SART3: variants seen among roughly 807,000 people sequenced by gnomAD.
SART3 encodes the protein HIV-1 Tat-interacting protein of 110kDa.
Under a neutral mutation model 122.3 loss-of-function variants are expected in SART3, and 44 were observed. The observed-to-expected ratio is 0.36, with a 90% CI of 0.28 to 0.46. The LOEUF (loss-of-function observed/expected upper bound fraction) is 0.46, where lower values mean the gene tolerates loss of function less well. SART3 is among the 20% of genes least tolerant of loss of function. The pLI is 1.00. For synonymous variants in SART3, 442 were observed against 454.0 expected (o/e 0.97, Z 0.34); for missense variants, 1,101 against 1,229.0 (o/e 0.90, Z 1.56).
intron 12 of SART3, 141 bp downstream of exon 12, chr12:108,535,218 T>C (rs1460721019): frequency 5.5e-6 from 4 of 730,576 alleles, no homozygotes; most frequent in Non-Finnish European, 1.0e-5. Flanking sequence ...ATTAAAAATG[T>C]ACCCACTACT....
Position 108,531,226 on chromosome 12 carries a change from C to T in SART3, c.1724G>A (p.Arg575His), listed in dbSNP as rs753689410. ...AVQKTETRLA[R>H]VNEQRMKAAE... ...TACCTTCATTCTCTGCTCATTGACA[C>T]GAGCTAATCGGGTTTCAGTTTTCTG... Residue 575 changes from arginine to histidine, a missense_variant, in exon 14 of 19, where the codon CGT (arginine) becomes CAT (histidine). Transcript: ENST00000546815. The T allele has an allele frequency of 3.7e-6, 6 of 1,613,900 alleles. No homozygotes were observed. The highest frequency in any genetic ancestry group is 3.3e-5 in the South Asian group (3 of 91,078).
intron 4 of SART3, chr12:108,544,840 C>T: frequency 3.5e-6 from 2 of 569,678 alleles, no homozygotes; most frequent in East Asian, 6.1e-5. Flanking sequence ...GCTGGAATTA[C>T]AAGCATGAGC....
chr12:108,540,597 A>G (rs1438208703), intron 6 of SART3, among the ~76,000 whole-genome samples: 9 of 151,500 alleles, frequency 5.9e-5, no homozygotes, highest in Admixed American at 5.3e-4. Flanking sequence ...TTTTAAAAAT[A>G]TAACTAGAAA....
In SART3 at chr12:108,560,948, C is replaced by G. The variant is rs1246125187; in HGVS notation, c.207G>C (p.Glu69Asp). The change falls in exon 1 of 19, where the codon GAG (glutamate) becomes GAC (aspartate). Residue 69 changes from glutamate to aspartate, a missense_variant. Around this residue, in one of 2 missense-constraint regions of SART3, gnomAD observed 216 missense variants for 148.9 expected, o/e 1.45. Coordinates refer to ENST00000546815, the MANE Select transcript of SART3 (RefSeq NM_014706.4). Reference protein sequence around the residue: ...EEGVSESDGDEYAMASSAESS... With the variant: ...EEGVSESDGDDYAMASSAESS... ...TCTCCGCGGAGGAAGCCATGGCGTACTCATCCCCATCGCTCTCGCTCACGC... is the reference window on the plus strand; with the variant it reads ...TCTCCGCGGAGGAAGCCATGGCGTAGTCATCCCCATCGCTCTCGCTCACGC... The G allele has an allele frequency of 6.2e-7, 1 of 1,613,926 alleles. No homozygotes were observed. The highest frequency in any genetic ancestry group is 1.7e-5 in the Admixed American group (1 of 59,982).
chr12:108,548,030 G>A, intron 2 of SART3, 39 bp from the exon 3 acceptor site: 8 of 1,552,728 alleles, frequency 5.2e-6, no homozygotes, highest in Non-Finnish European at 6.2e-6. Flanking sequence ...ATACCAAAGG[G>A]TAGGCTAAGC....
chr12:108,539,118 T>C, intron 6 of SART3, 29 bp from the exon 7 acceptor site: 2 of 1,613,654 alleles, frequency 1.2e-6, no homozygotes, highest in Non-Finnish European at 1.7e-6. Flanking sequence ...GTATTGAATT[T>C]AGTTACTGGC....
At chr12:108,535,677 T>C in intron 11 of SART3, 1 of 590,784 alleles carries the variant, frequency 1.7e-6, no homozygotes, top group Non-Finnish European at 3.1e-6. Flanking sequence ...AATCTACCTA[T>C]GTTTCCTGAG....
At position 108,524,323 on chromosome 12, in the gene SART3, A is replaced by G. The variant is rs1872267287; in HGVS notation, c.2707T>C (p.Tyr903His). 2 of 1,613,744 alleles carry G rather than the reference A, an allele frequency of 1.2e-6. No homozygotes were observed. Among genetic ancestry groups the G allele is most frequent in the Non-Finnish European group, 1.7e-6 (2 of 1,179,960 alleles). Residue 903 changes from tyrosine (Y) to histidine (H), a missense_variant, in exon 18 of 19, where the codon TAC becomes CAC. Tyr to His is a moderately conservative substitution (Grantham distance 83). Around this residue, in one of 2 missense-constraint regions of SART3, gnomAD observed 885 missense variants for 1,080.1 expected, o/e 0.82. Transcript: ENST00000546815. ...TACCATGCAAGCACTTACGCTCCGT[A>G]TGTCTGCGGCAAAAGCATGGGGCCA... Reference protein sequence around the residue: ...PGGPMLLPQTYGARGKGRTQL... With the variant: ...PGGPMLLPQTHGARGKGRTQL...
chr12:108,535,592 T>C, intron 11 of SART3, 124 bp from the exon 12 acceptor site: 1 of 831,618 alleles, frequency 1.2e-6, no homozygotes, highest in East Asian at 2.5e-5. Flanking sequence ...CAGATGTCCC[T>C]GGGCATTCCC....
chr12:108,550,794 G>A (rs893432198), intron 1 of SART3, among the ~76,000 whole-genome samples: 21 of 152,090 alleles, frequency 1.4e-4, no homozygotes, highest in African/African-American at 3.6e-4. Flanking sequence ...CCCGGGAGGC[G>A]GAGGTTGCAG....
intron 1 of SART3, among the ~76,000 whole-genome samples, chr12:108,550,689 T>C (rs920579232): frequency 1.1e-4 from 16 of 152,110 alleles, no homozygotes; most frequent in African/African-American, 3.9e-4. Context: ...GGTGAAACCC[T>C]GTCTCTACCA....
Position 108,530,261 on chromosome 12 carries a change from T to C in SART3, c.1796A>G (p.Glu599Gly). The C allele has an allele frequency of 6.2e-7, 1 of 1,614,224 alleles. No homozygotes were observed. Among genetic ancestry groups the C allele is most frequent in the Non-Finnish European group, 8.5e-7 (1 of 1,180,042 alleles). Residue 599 changes from glutamate to glycine, a missense_variant, in exon 15 of 19, where the codon GAA (glutamate) becomes GGA (glycine). By Grantham distance (98) the Glu-to-Gly change is moderately conservative. Around this residue, in one of 2 missense-constraint regions of SART3, gnomAD observed 885 missense variants for 1,080.1 expected, o/e 0.82. Transcript: ENST00000546815. ...CTCAGCCCGAGCTCTTTTCCGTTGTTCAGCCTTTTCTTCTTCTTGCTGCAC... is the reference window on the plus strand; with the variant it reads ...CTCAGCCCGAGCTCTTTTCCGTTGTCCAGCCTTTTCTTCTTCTTGCTGCAC... ...ALVQQEEEKAEQRKRARAEKK... is the reference protein window; with the variant it reads ...ALVQQEEEKAGQRKRARAEKK...
intron 1 of SART3, among the ~76,000 whole-genome samples, chr12:108,554,431 T>C (rs2030133298): frequency 1.3e-5 from 2 of 152,014 alleles, no homozygotes; most frequent in Non-Finnish European, 2.9e-5. Flanking sequence ...ATCCCAGGAA[T>C]GCAAGGGTGT....
intron 4 of SART3, 57 bp downstream of exon 4, chr12:108,545,081 TC>T: frequency 6.6e-7 from 1 of 1,506,796 alleles, no homozygotes; most frequent in Non-Finnish European, 9.2e-7. Context: ...AAATAATCCT[TC>T]CAAGGAGACT....
At chr12:108,537,150 G>A in intron 9 of SART3, 4 of 428,604 alleles carry the variant, frequency 9.3e-6, no homozygotes, top group South Asian at 8.9e-5. Context: ...GGGACATGAA[G>A]GGGCAAAGGA....
intron 1 of SART3, among the ~76,000 whole-genome samples, chr12:108,556,198 C>T (rs2030214285): frequency 6.6e-6 from 1 of 152,026 alleles, no homozygotes; most frequent in South Asian, 2.1e-4. Context: ...CTCAAGTGAT[C>T]CTCCCGCCTC....
chr12:108,548,803 G>A (rs1221447067), intron 2 of SART3, among the ~76,000 whole-genome samples: 2 of 152,170 alleles, frequency 1.3e-5, no homozygotes, highest in Non-Finnish European at 2.9e-5. Context: ...CATAAATAGT[G>A]AAATGGGAAA....
chr12:108,544,521 G>A, intron 4 of SART3, 43 bp from the exon 5 acceptor site: 1 of 1,614,204 alleles, frequency 6.2e-7, no homozygotes, highest in Non-Finnish European at 8.5e-7. Context: ...GGGAAAGGAA[G>A]CCAGCTACGG....
In SART3 at chr12:108,536,697, G is replaced by A. The variant is rs767719006; in HGVS notation, c.1387+11C>T. ...ACAACTGGGCAAAACCACAGGCTGG[G>A]GCATACTTACGCTCTTCCACCTCCT... On this transcript the variant is annotated intron_variant, in intron 10 of 18. Transcript: ENST00000546815. 6.2e-7 allele frequency: 1 copy of A among 1,613,682 alleles called. No homozygotes were observed. Among genetic ancestry groups the A allele is most frequent in the Non-Finnish European group, 8.5e-7 (1 of 1,179,748 alleles).
Sources: allele counts gnomAD v4.1 joint callset (sites outside exome capture counted in the v4.1 genomes callset), GRCh38; gene constraint gnomAD v4.1.1; regional missense constraint gnomAD v4.1.1; transcripts MANE v1.5; gene names NCBI Gene and HGNC (gene_info 2026-07-23, HGNC 2026-07-21).